ZBTB20: variants seen among roughly 807,000 people sequenced by gnomAD.
The protein encoded by ZBTB20 is zinc finger and BTB domain containing 20.
A neutral mutation model predicts 56.9 loss-of-function variants in ZBTB20; 9 were observed. The observed-to-expected ratio is 0.16, with a 90% CI of 0.10 to 0.28. ZBTB20 has a LOEUF of 0.28. Ranked by LOEUF, ZBTB20 falls within the 10% of genes least tolerant of loss-of-function variation. The pLI is 1.00. For synonymous variants in ZBTB20, 417 were observed against 420.7 expected (o/e 0.99, Z 0.11); for missense variants, 655 against 1,003.0 (o/e 0.65, Z 4.69).
At chr3:114,413,074 G>C (rs1157227687) in intron 7 of ZBTB20, among the ~76,000 whole-genome samples, 2 of 152,076 alleles carry the variant, frequency 1.3e-5, no homozygotes, top group African/African-American at 4.8e-5. Context: ...GGCAACTCAT[G>C]GGTGGGATAC....
At chr3:115,082,251 T>C (rs2082823202) in intron 1 of ZBTB20, among the ~76,000 whole-genome samples, 1 of 152,196 alleles carries the variant, frequency 6.6e-6, no homozygotes, top group Admixed American at 6.6e-5. Context: ...GAAATCTTGT[T>C]CTAAGCCAAA....
chr3:114,784,022 T>C (rs1643401362), intron 5 of ZBTB20, among the ~76,000 whole-genome samples: 1 of 152,212 alleles, frequency 6.6e-6, no homozygotes, highest in South Asian at 2.1e-4. Context: ...CTTTTCGTTG[T>C]GGTTCTTAAA....
At position 114,338,245 on chromosome 3, in the gene ZBTB20, C is replaced by T; in HGVS notation, c.*760G>A. 1 of 152,144 alleles carries T rather than the reference C, an allele frequency of 6.6e-6. No homozygotes were observed. The highest frequency in any genetic ancestry group is 1.9e-4 in the East Asian group (1 of 5,198). 9.4% of individuals were successfully genotyped at this position (152,144 alleles called of 1,614,324 possible). ...CTGAGGCTGTGGCTCAGCGAAGACA[C>T]TGAATAAATACGATAGCCACTGTTG... On this transcript the variant is annotated 3_prime_UTR_variant, in exon 12 of 12. Coordinates refer to ENST00000675478, the MANE Select transcript of ZBTB20 (RefSeq NM_001348800.3).
At chr3:114,547,804 T>C (rs1278126627) in intron 6 of ZBTB20, among the ~76,000 whole-genome samples, 2 of 152,274 alleles carry the variant, frequency 1.3e-5, no homozygotes, top group South Asian at 2.1e-4. Context: ...TAAGAAAACA[T>C]AAAAAAGTTC....
At chr3:114,625,920 G>T (rs927651221) in intron 6 of ZBTB20, among the ~76,000 whole-genome samples, 2 of 152,164 alleles carry the variant, frequency 1.3e-5, no homozygotes, top group Non-Finnish European at 2.9e-5. Flanking sequence ...ATAAAAAAAA[G>T]TCTTGGTATC....
rs1464424266 is a variant in ZBTB20 at position 114,329,136 on chromosome 3, G to A, written c.*9869C>T. ...CTTCACAACTGAAGAGCATTGCAGGGAGCTTGGCTAAGGTGAAAAGGGACT... is the reference window on the plus strand; with the variant it reads ...CTTCACAACTGAAGAGCATTGCAGGAAGCTTGGCTAAGGTGAAAAGGGACT... On this transcript the variant is annotated 3_prime_UTR_variant, in exon 12 of 12. Transcript: ENST00000675478. 2 of 152,168 alleles carry A rather than the reference G, an allele frequency of 1.3e-5. No individual in the cohort carries two copies. Among genetic ancestry groups the A allele is most frequent in the African/African-American group, 4.8e-5 (2 of 41,432 alleles). The allele number at this position is 152,168 out of a possible 1,614,324, so 9.4% of individuals were successfully genotyped here.
chr3:114,625,828 T>C (rs1489603168), intron 6 of ZBTB20, among the ~76,000 whole-genome samples: 3 of 151,960 alleles, frequency 2.0e-5, no homozygotes, highest in East Asian at 3.9e-4. Context: ...ATAAAATAGA[T>C]AGAAAAACAA....
chr3:114,527,537 T>C (rs1177962803), intron 6 of ZBTB20, among the ~76,000 whole-genome samples: 1 of 152,218 alleles, frequency 6.6e-6, no homozygotes, highest in Non-Finnish European at 1.5e-5. Context: ...TATTCCATTA[T>C]CTAATGGTCT....
At chr3:115,133,228 T>C (rs891432877) in intron 1 of ZBTB20, among the ~76,000 whole-genome samples, 1 of 152,214 alleles carries the variant, frequency 6.6e-6, no homozygotes, top group African/African-American at 2.4e-5. Flanking sequence ...ATCATTTGTA[T>C]TTGACTAAAA....
At chr3:114,894,996 A>C (rs1270405433) in intron 4 of ZBTB20, among the ~76,000 whole-genome samples, 3 of 152,184 alleles carry the variant, frequency 2.0e-5, no homozygotes, top group African/African-American at 4.8e-5. Flanking sequence ...TTATTTTAAA[A>C]GAATCCTTTT....
At chr3:115,046,116 C>T (rs968315411) in intron 2 of ZBTB20, among the ~76,000 whole-genome samples, 15 of 152,054 alleles carry the variant, frequency 9.9e-5, no homozygotes, top group Admixed American at 5.9e-4. Context: ...ATACTGAATT[C>T]GAGATGGCTC....
chr3:114,955,686 A>C (rs529303293), intron 3 of ZBTB20, among the ~76,000 whole-genome samples: 53 of 152,250 alleles, frequency 3.5e-4, no homozygotes, highest in African/African-American at 1.2e-3. Flanking sequence ...TGATAGCTCC[A>C]AAGAGGAAAA....
chr3:114,825,928 A>G (rs536132429), intron 4 of ZBTB20, among the ~76,000 whole-genome samples: 1 of 151,948 alleles, frequency 6.6e-6, no homozygotes, highest in South Asian at 2.1e-4. Context: ...AGTATCTATG[A>G]TCACTTCTAG....
At chr3:115,056,517 A>G (rs1576667243) in intron 2 of ZBTB20, among the ~76,000 whole-genome samples, 1 of 152,286 alleles carries the variant, frequency 6.6e-6, no homozygotes, top group East Asian at 1.9e-4. Context: ...AATACTTGAA[A>G]AACAAGCATC....
chr3:114,473,889 C>G (rs1027867527), intron 7 of ZBTB20, among the ~76,000 whole-genome samples: 1 of 152,078 alleles, frequency 6.6e-6, no homozygotes, highest in Non-Finnish European at 1.5e-5. Flanking sequence ...GTGTATGAGT[C>G]CATTTGCACA....
In ZBTB20 at chr3:114,322,096, A is replaced by G. The variant is rs1446251024; in HGVS notation, c.*16909T>C. On this transcript the variant is annotated 3_prime_UTR_variant, in exon 12 of 12. Transcript: ENST00000675478. ...CAGTTGTCTGACTCTCCCACCGGTC[A>G]CTGCTGTTGGCTCTGGCCATACAGA... is the stretch of plus-strand genomic sequence containing the variant. 1 of 152,232 alleles carries G rather than the reference A, an allele frequency of 6.6e-6. No homozygotes were observed. The highest frequency in any genetic ancestry group is 1.5e-5 in the Non-Finnish European group (1 of 68,068). The allele number at this position is 152,232 out of a possible 1,614,324, so 9.4% of individuals were successfully genotyped here.
chr3:114,844,548 A>AAAAC (rs2074584997), intron 4 of ZBTB20, among the ~76,000 whole-genome samples: 3 of 141,264 alleles, frequency 2.1e-5, no homozygotes, highest in African/African-American at 8.2e-5. Flanking sequence ...AAAAAAAAAA[A>AAAAC]AAAACTTTCA....
rs575389621 is a variant in ZBTB20 at position 114,824,188 on chromosome 3, C to T, written c.-416-23014G>A. 1.1e-3 allele frequency among the ~76,000 whole-genome samples: 167 copies of T among 152,064 alleles called. 1 individual carries two copies. Among genetic ancestry groups the T allele is most frequent in the South Asian group, 2.9e-3 (14 of 4,832 alleles). ...GGTGATATTTACAATACAACATGAG[C>T]ATAAATCTTAAGGAATTTATGATGT... On this transcript the variant is annotated intron_variant, in intron 4 of 11. Coordinates refer to ENST00000675478, the MANE Select transcript of ZBTB20 (RefSeq NM_001348800.3).
At chr3:114,603,257 T>A (rs1011782715) in intron 6 of ZBTB20, among the ~76,000 whole-genome samples, 1 of 152,020 alleles carries the variant, frequency 6.6e-6, no homozygotes, top group Non-Finnish European at 1.5e-5. Context: ...TCGTTGTAAT[T>A]GTATTGTATT....
Sources: gnomAD v4.1 joint callset for allele counts (sites outside exome capture counted in the v4.1 genomes callset) on GRCh38, gnomAD v4.1.1 for gene constraint, MANE v1.5 for transcripts, NCBI Gene and HGNC (gene_info 2026-07-23, HGNC 2026-07-21) for gene names.